MYO1E: variants seen among roughly 807,000 people sequenced by gnomAD.
MYO1E encodes the protein myosin IE.
In MYO1E, 68 loss-of-function variants were observed where a neutral mutation model predicts 151.1. That is an observed-to-expected ratio of 0.45 (90% CI 0.37 to 0.55). The LOEUF (loss-of-function observed/expected upper bound fraction) is 0.55. Ranked by LOEUF, MYO1E falls within the 20% of genes least tolerant of loss-of-function variation. MYO1E has a pLI of 0.00. For missense variants in MYO1E, 1,363 were observed against 1,389.3 expected, an observed-to-expected ratio of 0.98 and a Z score of 0.30; for synonymous variants, 601 against 501.7, an observed-to-expected ratio of 1.20 and a Z score of -2.64.
At chr15:59,153,163 T>C (rs2079491364) in intron 26 of MYO1E, among the ~76,000 whole-genome samples, 1 of 152,224 alleles carries the variant, frequency 6.6e-6, no homozygotes, top group African/African-American at 2.4e-5. Flanking sequence ...ACCCATATTC[T>C]TCAACAAATA....
At chr15:59,149,491 T>C (rs2079463889) in intron 26 of MYO1E, among the ~76,000 whole-genome samples, 4 of 152,216 alleles carry the variant, frequency 2.6e-5, no homozygotes, top group Admixed American at 2.6e-4. Context: ...CGCAGATCTC[T>C]CAGTGTTTCC....
At chr15:59,201,109 ATTTT>A (rs35652210) in intron 16 of MYO1E, among the ~76,000 whole-genome samples, 1 of 144,306 alleles carries the variant, frequency 6.9e-6, no homozygotes, top group Non-Finnish European at 1.5e-5. Flanking sequence ...GACAAAAACT[ATTTT>A]TTTTTTTTTT....
At position 59,192,224 on chromosome 15, in the gene MYO1E, C is replaced by G. The variant is rs867991900; in HGVS notation, c.1805+3237G>C. ...TAAATCAACGCTCGACCAACTAATA[C>G]CTTGAACTTCTTAAAACCAGTTTAT... On this transcript the variant is annotated intron_variant, in intron 17 of 27. Transcript: ENST00000288235. Among the ~76,000 whole-genome samples, 48 of 151,616 alleles carry G rather than the reference C, an allele frequency of 3.2e-4. 1 individual carries two copies. Among genetic ancestry groups the G allele is most frequent in the Middle Eastern group, 6.8e-3 (2 of 294 alleles).
At chr15:59,227,339 C>T (rs1441939683) in intron 7 of MYO1E, 120 bp downstream of exon 7, 1 of 1,200,568 alleles carries the variant, frequency 8.3e-7, no homozygotes, top group Admixed American at 1.9e-5. Flanking sequence ...TTGACTTGTA[C>T]ATGGTATCAT....
chr15:59,202,247 G>A, intron 16 of MYO1E, 79 bp downstream of exon 16: 1 of 1,260,270 alleles, frequency 7.9e-7, no homozygotes, highest in South Asian at 1.2e-5. Context: ...ACCTCATCCT[G>A]GCCCAGGGGT....
chr15:59,357,421 G>A (rs1202843282), intron 1 of MYO1E, among the ~76,000 whole-genome samples: 1 of 147,706 alleles, frequency 6.8e-6, no homozygotes, highest in Admixed American at 6.8e-5. Flanking sequence ...TGAAGAAGGA[G>A]ATAACTTTTT....
At chr15:59,281,644 T>C (rs1479506825) in intron 1 of MYO1E, among the ~76,000 whole-genome samples, 2 of 151,988 alleles carry the variant, frequency 1.3e-5, no homozygotes, top group African/African-American at 4.8e-5. Flanking sequence ...TTTTCAACTA[T>C]TTTAACAAGT....
At chr15:59,338,897 C>T (rs1226924117) in intron 1 of MYO1E, among the ~76,000 whole-genome samples, 7 of 152,080 alleles carry the variant, frequency 4.6e-5, no homozygotes, top group Admixed American at 2.6e-4. Context: ...TTTTGGAGGC[C>T]GAGGCAGGTG....
At chr15:59,291,231 G>A (rs2080416852) in intron 1 of MYO1E, among the ~76,000 whole-genome samples, 1 of 152,178 alleles carries the variant, frequency 6.6e-6, no homozygotes, top group African/African-American at 2.4e-5. Context: ...AAAATATGAA[G>A]AAAAGCAGCA....
rs1324824595 is a variant in MYO1E, at chr15:59,138,092, C to A, written c.3250+106G>T. 3 of 1,372,808 alleles carry A rather than the reference C, an allele frequency of 2.2e-6. No individual in the cohort carries two copies. The African/African-American group carries it at 4.3e-5, about 20-fold the overall frequency. The allele number at this position is 1,372,808 out of a possible 1,614,324, so 85.0% of individuals were successfully genotyped here. A position where few individuals can be genotyped will look rare whatever the true frequency, so the allele number is the denominator to read the frequency against. On this transcript the variant is annotated intron_variant, in intron 27 of 27. Transcript: ENST00000288235. ...AGGCCTGACCTGCCTCTACAAATTG[C>A]AGTTTGAGGAGCCCATAAATTCTTT...
At chr15:59,173,490 T>C (rs1221586627) in intron 21 of MYO1E, among the ~76,000 whole-genome samples, 1 of 152,210 alleles carries the variant, frequency 6.6e-6, no homozygotes, top group African/African-American at 2.4e-5. Context: ...GTAATGTATA[T>C]CTCATTTTTT....
intron 1 of MYO1E, among the ~76,000 whole-genome samples, chr15:59,317,312 C>T (rs1282423872): frequency 6.6e-6 from 1 of 152,198 alleles, no homozygotes; most frequent in Non-Finnish European, 1.5e-5. Flanking sequence ...CTAAGACATA[C>T]CCTTTTCTCC....
chr15:59,225,738 C>T lies in MYO1E; in HGVS notation c.643-915G>A, dbSNP rs565422434. 3.9e-3 allele frequency among the ~76,000 whole-genome samples: 596 copies of T among 152,046 alleles called. 4 individuals are homozygous for T. Among genetic ancestry groups the T allele is most frequent in the Non-Finnish European group, 5.0e-3 (338 of 67,960 alleles). On this transcript the variant is annotated intron_variant, in intron 7 of 27. Transcript: ENST00000288235. ...CTCCGCTCCCTGCAAGCTCCGCCTC[C>T]CAGGTTCACGCCATTCTCCTGCCTC... is the stretch of plus-strand genomic sequence containing the variant.
chr15:59,305,664 C>T (rs912603652), intron 1 of MYO1E, among the ~76,000 whole-genome samples: 1 of 152,224 alleles, frequency 6.6e-6, no homozygotes, highest in South Asian at 2.1e-4. Flanking sequence ...ACAACTGGCT[C>T]ATGGACAGAC....
chr15:59,201,401 ATTTT>A (rs35807865), intron 16 of MYO1E, among the ~76,000 whole-genome samples: 8 of 113,210 alleles, frequency 7.1e-5, no homozygotes, highest in Admixed American at 3.7e-4. Flanking sequence ...GCTGACACAG[ATTTT>A]TTTTTTTTTT....
At chr15:59,323,114 A>G (rs1394241084) in intron 1 of MYO1E, among the ~76,000 whole-genome samples, 1 of 142,906 alleles carries the variant, frequency 7.0e-6, no homozygotes, top group Non-Finnish European at 1.5e-5. Flanking sequence ...GCTTGCAGTG[A>G]GCCGAGATCG....
rs112050305 is a variant in MYO1E, at chr15:59,331,379, G to C, written c.3+41119C>G. On this transcript the variant is annotated intron_variant, in intron 1 of 27. Coordinates refer to ENST00000288235, the MANE Select transcript of MYO1E (RefSeq NM_004998.4). The stretch of plus-strand genomic sequence containing the variant: ...CATCTACAACTGGGGAAACATCTCT[G>C]AACTAAGGGAAGAGCACTGATATGA... Among the ~76,000 whole-genome samples the C allele has an allele frequency of 5.9e-3, 898 of 152,182 alleles. 9 individuals carry two copies. Among genetic ancestry groups the C allele is most frequent in the African/African-American group, 0.018 (737 of 41,508 alleles).
chr15:59,321,395 AG>A (rs574683235), intron 1 of MYO1E, among the ~76,000 whole-genome samples: 287 of 152,400 alleles, frequency 1.9e-3, no homozygotes, highest in African/African-American at 6.7e-3. Context: ...TGTTTACCAC[AG>A]CACTATTCAC....
chr15:59,160,977 C>G lies in MYO1E; in HGVS notation c.2785+96G>C. 12 of 1,514,136 alleles carry G rather than the reference C, an allele frequency of 7.9e-6. No individual in the cohort carries two copies. In the African/African-American group the frequency reaches 1.4e-4, roughly 17 times the overall value. 93.8% of individuals were successfully genotyped at this position (1,514,136 alleles called of 1,614,324 possible). A position where few individuals can be genotyped will look rare whatever the true frequency, so the allele number is the denominator to read the frequency against. Reference sequence around the variant, plus strand: ...CCAGCAAGCAGAAGGTGTACTGATTCTCAGCCCCCACATCTGTGCACATGT... The same window carrying G: ...CCAGCAAGCAGAAGGTGTACTGATTGTCAGCCCCCACATCTGTGCACATGT... On this transcript the variant is annotated intron_variant, in intron 24 of 27. Coordinates refer to ENST00000288235, the MANE Select transcript of MYO1E (RefSeq NM_004998.4).
Sources: allele counts gnomAD v4.1 joint callset (sites outside exome capture counted in the v4.1 genomes callset), GRCh38; gene constraint gnomAD v4.1.1; transcripts MANE v1.5; gene names NCBI Gene and HGNC (gene_info 2026-07-23, HGNC 2026-07-21).